The following SLIT3 variants were observed in gnomAD, a reference collection of about 807,000 sequenced individuals.
The protein encoded by SLIT3 is slit homolog 3 protein.
In SLIT3, 68 loss-of-function variants were observed where a neutral mutation model predicts 184.0. The observed-to-expected ratio is 0.37, with a 90% confidence interval of 0.30 to 0.45. SLIT3 has a LOEUF of 0.45. Among genes scored for constraint, SLIT3 ranks in the 20% least tolerant of loss-of-function variants. The pLI is 1.00. For synonymous variants in SLIT3, 831 were observed against 828.6 expected (o/e 1.00, Z -0.05); for missense variants, 1,707 against 2,026.0 (o/e 0.84, Z 3.02).
chr5:168,896,832 C>T (rs989403147), intron 4 of SLIT3, among the ~76,000 whole-genome samples: 1 of 152,128 alleles, frequency 6.6e-6, no homozygotes, highest in Non-Finnish European at 1.5e-5. Context: ...GGCCCCTGCC[C>T]AAGCACAGGA....
chr5:169,149,093 T>C (rs1762030306), intron 4 of SLIT3, among the ~76,000 whole-genome samples: 1 of 152,184 alleles, frequency 6.6e-6, no homozygotes, highest in Admixed American at 6.5e-5. Flanking sequence ...AAGCCAGATC[T>C]CCTTAACTCT....
intron 9 of SLIT3, among the ~76,000 whole-genome samples, chr5:168,797,179 C>T (rs1756591894): frequency 6.6e-6 from 1 of 152,142 alleles, no homozygotes; most frequent in Non-Finnish European, 1.5e-5. Context: ...CAGCCACCCA[C>T]AGAGACAGCA....
intron 31 of SLIT3, among the ~76,000 whole-genome samples, chr5:168,684,808 A>G (rs1286080487): frequency 6.6e-6 from 1 of 152,168 alleles, no homozygotes; most frequent in Non-Finnish European, 1.5e-5. Context: ...ATGATAATTA[A>G]TTCAATGTTT....
At chr5:169,003,492 G>A (rs890918921) in intron 4 of SLIT3, among the ~76,000 whole-genome samples, 3 of 152,204 alleles carry the variant, frequency 2.0e-5, no homozygotes, top group Non-Finnish European at 2.9e-5. Context: ...AAATTGACAC[G>A]AGGAAACTCT....
chr5:169,191,285 C>T (rs897415722), intron 4 of SLIT3, among the ~76,000 whole-genome samples: 3 of 152,162 alleles, frequency 2.0e-5, no homozygotes, highest in Non-Finnish European at 4.4e-5. Context: ...CTATGTGTGC[C>T]GAGCTATGCC....
intron 20 of SLIT3, among the ~76,000 whole-genome samples, chr5:168,744,450 A>G (rs914742324): frequency 2.4e-4 from 37 of 152,364 alleles, no homozygotes; most frequent in African/African-American, 7.9e-4. Context: ...CCGTGGAGAC[A>G]AAATAGCCTT....
At chr5:168,850,375 A>G (rs1343731878) in intron 5 of SLIT3, among the ~76,000 whole-genome samples, 1 of 149,372 alleles carries the variant, frequency 6.7e-6, no homozygotes, top group Non-Finnish European at 1.5e-5. Flanking sequence ...GAATTATTTA[A>G]GTATCCACAA....
intron 1 of SLIT3, among the ~76,000 whole-genome samples, chr5:169,263,356 C>T (rs993773856): frequency 5.3e-5 from 8 of 151,818 alleles, no homozygotes; most frequent in Non-Finnish European, 8.8e-5. Context: ...AATAAAAAGA[C>T]GACGAGACAG....
intron 4 of SLIT3, among the ~76,000 whole-genome samples, chr5:169,003,219 A>G (rs1445908241): frequency 6.6e-6 from 1 of 152,228 alleles, no homozygotes; most frequent in South Asian, 2.1e-4. Context: ...CAAACTTTGC[A>G]TATCATTTCA....
chr5:169,012,527 T>C (rs554081216), intron 4 of SLIT3: 1 of 152,216 alleles, frequency 6.6e-6, no homozygotes, highest in Non-Finnish European at 1.5e-5. Flanking sequence ...TGGGATTTTA[T>C]TAAGGGCCTC....
In SLIT3 at chr5:168,897,647, T is replaced by TGC. The variant is rs3223457; in HGVS notation, c.414-14312_414-14311insGC. Reference sequence around the variant, plus strand: ...GAAAGAGGATGGAGACAGGTGCACGTACACACACACACACACACACACACA... The same window carrying TGC: ...GAAAGAGGATGGAGACAGGTGCACGTGCACACACACACACACACACACACACA... On this transcript the variant is annotated intron_variant, in intron 4 of 35. Coordinates refer to ENST00000519560, the MANE Select transcript of SLIT3 (RefSeq NM_003062.4). Among the ~76,000 whole-genome samples, 58 of 141,484 alleles carry TGC rather than the reference T, an allele frequency of 4.1e-4. 1 individual carries two copies. The highest frequency in any genetic ancestry group is 7.8e-4 in the Admixed American group (11 of 14,168). The allele number at this position is 141,484 out of a possible 152,430, so 92.8% of individuals were successfully genotyped here.
chr5:168,678,145 C>T (rs918305968), intron 32 of SLIT3, among the ~76,000 whole-genome samples: 5 of 152,140 alleles, frequency 3.3e-5, no homozygotes, highest in African/African-American at 4.8e-5. Flanking sequence ...TTATCTATGC[C>T]GGTAGGTGCT....
intron 4 of SLIT3, among the ~76,000 whole-genome samples, chr5:168,987,119 C>G (rs1178595055): frequency 6.6e-6 from 1 of 152,206 alleles, no homozygotes; most frequent in Non-Finnish European, 1.5e-5. Flanking sequence ...TAAGCTGTAG[C>G]TCTCTCTGTT....
intron 1 of SLIT3, among the ~76,000 whole-genome samples, chr5:169,265,176 C>CAAACAAAG (rs1766350686): frequency 6.6e-6 from 1 of 152,092 alleles, no homozygotes. Flanking sequence ...AACAAACAAA[C>CAAACAAAG]AAACAAAACG....
At chr5:168,771,062 A>G (rs938655210) in intron 14 of SLIT3, among the ~76,000 whole-genome samples, 4 of 152,136 alleles carry the variant, frequency 2.6e-5, no homozygotes, top group African/African-American at 9.7e-5. Context: ...CCAAAGGGTC[A>G]AGGTTGGCAG....
In SLIT3 at chr5:168,749,802, C is replaced by T. The variant is rs115853256; in HGVS notation, c.1974-167G>A. 4.1e-3 allele frequency among the ~76,000 whole-genome samples: 626 copies of T among 152,270 alleles called. 5 individuals are homozygous for T. Among genetic ancestry groups the T allele is most frequent in the African/African-American group, 0.014 (600 of 41,554 alleles). Reference sequence around the variant, plus strand: ...CTGTGAGGGTCTCATTCCAGACCCTCGCCTCTGATGGATGTGGCTGTGGTG... The same window carrying T: ...CTGTGAGGGTCTCATTCCAGACCCTTGCCTCTGATGGATGTGGCTGTGGTG... On this transcript the variant is annotated intron_variant, in intron 18 of 35. Transcript: ENST00000519560.
At chr5:169,147,178 C>A (rs914495194) in intron 4 of SLIT3, among the ~76,000 whole-genome samples, 3 of 152,226 alleles carry the variant, frequency 2.0e-5, no homozygotes, top group Middle Eastern at 3.2e-3. Context: ...CACCTTTCAC[C>A]AAATTTGTTC....
chr5:168,928,291 A>G (rs1562010844), intron 4 of SLIT3, among the ~76,000 whole-genome samples: 1 of 152,244 alleles, frequency 6.6e-6, no homozygotes. Context: ...AAAAATAAAG[A>G]TTTTAATATG....
chr5:169,198,267 C>T (rs1763802821), intron 3 of SLIT3, among the ~76,000 whole-genome samples: 1 of 152,206 alleles, frequency 6.6e-6, no homozygotes, highest in Non-Finnish European at 1.5e-5. Flanking sequence ...CGTGGGAACA[C>T]AATGGAGCAG....
Sources: allele counts gnomAD v4.1 joint callset (sites outside exome capture counted in the v4.1 genomes callset), GRCh38; gene constraint gnomAD v4.1.1; transcripts MANE v1.5; gene names NCBI Gene and HGNC (gene_info 2026-07-23, HGNC 2026-07-21).